The following ARHGAP15 variants were observed in gnomAD, a reference collection of about 807,000 sequenced individuals.
ARHGAP15 encodes the protein Rho GTPase activating protein 15.
ARHGAP15 carries 51 observed loss-of-function variants against 63.7 expected under a neutral mutation model. The observed-to-expected ratio is 0.80, with a 90% CI of 0.64 to 1.01. The LOEUF (loss-of-function observed/expected upper bound fraction) is 1.01, where lower values mean the gene tolerates loss of function less well. Among genes scored for constraint, ARHGAP15 ranks in the 50% least tolerant of loss-of-function variants. The probability of loss-of-function intolerance (pLI) is 0.00; values close to 1 mark genes in which losing one functional copy is unlikely to be tolerated. For missense variants in ARHGAP15, 560 were observed against 564.6 expected (o/e 0.99, Z 0.08); for synonymous variants, 191 against 193.8 (o/e 0.99, Z 0.12).
intron 6 of ARHGAP15, among the ~76,000 whole-genome samples, chr2:143,296,584 ATC>A (rs764817029): frequency 4.6e-5 from 7 of 151,908 alleles, no homozygotes; most frequent in Non-Finnish European, 8.8e-5. Flanking sequence ...CCCAATCTAG[ATC>A]TCAGAACGTT....
intron 6 of ARHGAP15, chr2:143,435,192 G>A: frequency 1.1e-6 from 1 of 871,946 alleles, no homozygotes; most frequent in Non-Finnish European, 1.4e-6. Context: ...CAAATATAGA[G>A]ATACTATTAG....
At chr2:143,405,346 T>A (rs1688154961) in intron 6 of ARHGAP15, among the ~76,000 whole-genome samples, 1 of 151,868 alleles carries the variant, frequency 6.6e-6, no homozygotes, top group Non-Finnish European at 1.5e-5. Flanking sequence ...TATCATTTTG[T>A]GTTTTTTATT....
chr2:143,654,385 G>T (rs914322852), intron 12 of ARHGAP15, among the ~76,000 whole-genome samples: 3 of 152,090 alleles, frequency 2.0e-5, no homozygotes, highest in African/African-American at 7.2e-5. Flanking sequence ...AAAAGGAGTT[G>T]AGAAAAGCAT....
At chr2:143,493,710 C>A (rs567425001) in intron 9 of ARHGAP15, among the ~76,000 whole-genome samples, 1 of 152,202 alleles carries the variant, frequency 6.6e-6, no homozygotes, top group East Asian at 1.9e-4. Context: ...ACTGGTTGCT[C>A]TCCAGCTGAT....
chr2:143,469,082 A>G (rs1691390763), intron 8 of ARHGAP15, among the ~76,000 whole-genome samples: 1 of 152,188 alleles, frequency 6.6e-6, no homozygotes, highest in Non-Finnish European at 1.5e-5. Context: ...ATATTGTGTA[A>G]TAAGAGAAAG....
At chr2:143,309,198 A>G (rs4662321) in intron 6 of ARHGAP15, among the ~76,000 whole-genome samples, 19,648 of 152,006 alleles carry the variant, frequency 0.13, 1,630 homozygotes, top group Non-Finnish European at 0.17. Context: ...CTATACCTCT[A>G]TTTTTAAAAT....
chr2:143,406,138 A>T (rs1688190162), intron 6 of ARHGAP15, among the ~76,000 whole-genome samples: 1 of 151,870 alleles, frequency 6.6e-6, no homozygotes, highest in South Asian at 2.1e-4. Flanking sequence ...TCTCATATCT[A>T]TTGGCTTTCA....
At chr2:143,349,139 G>A (rs1203272495) in intron 6 of ARHGAP15, among the ~76,000 whole-genome samples, 1 of 152,162 alleles carries the variant, frequency 6.6e-6, no homozygotes, top group African/African-American at 2.4e-5. Flanking sequence ...AAGTTGTTCA[G>A]AAGAAACTTG....
chr2:143,363,946 T>A (rs551206810), intron 6 of ARHGAP15, among the ~76,000 whole-genome samples: 20 of 152,330 alleles, frequency 1.3e-4, no homozygotes, highest in African/African-American at 4.3e-4. Flanking sequence ...ATTTGAGGAT[T>A]ACTACTAATA....
At chr2:143,368,695 A>T (rs1320234491) in intron 6 of ARHGAP15, among the ~76,000 whole-genome samples, 1 of 152,110 alleles carries the variant, frequency 6.6e-6, no homozygotes, top group Non-Finnish European at 1.5e-5. Flanking sequence ...TAAAAGGTTC[A>T]GTCAAGAGAA....
At chr2:143,436,080 C>T (rs1480322825) in intron 7 of ARHGAP15, among the ~76,000 whole-genome samples, 1 of 151,848 alleles carries the variant, frequency 6.6e-6, no homozygotes, top group Non-Finnish European at 1.5e-5. Flanking sequence ...GTTATAATAC[C>T]AATAAATAAA....
intron 9 of ARHGAP15, among the ~76,000 whole-genome samples, chr2:143,494,230 TG>T (rs966563664): frequency 3.3e-5 from 5 of 152,212 alleles, no homozygotes; most frequent in Admixed American, 1.3e-4. Flanking sequence ...TCTGAATTGA[TG>T]GTTTCATTCA....
At chr2:143,355,933 T>C (rs1263996845) in intron 6 of ARHGAP15, among the ~76,000 whole-genome samples, 1 of 152,128 alleles carries the variant, frequency 6.6e-6, no homozygotes, top group African/African-American at 2.4e-5. Context: ...TTTGTCACTA[T>C]TTAAAATGAA....
At chr2:143,751,837 G>A (rs1175616293) in intron 13 of ARHGAP15, among the ~76,000 whole-genome samples, 1 of 152,310 alleles carries the variant, frequency 6.6e-6, no homozygotes. Flanking sequence ...TCCCCCTGGT[G>A]TAACAGCAAC....
At position 143,228,637 on chromosome 2, in the gene ARHGAP15, A is replaced by G; in HGVS notation, c.353A>G (p.Lys118Arg). ...VLSSRRIEFY[K>R]ESKQQALSNM... ...TCTAGTCGAAGAATTGAATTTTACAAAGAATCCAAGCAACAGGCTCTGTCC... is the reference window on the plus strand; with the variant it reads ...TCTAGTCGAAGAATTGAATTTTACAGAGAATCCAAGCAACAGGCTCTGTCC... The change falls in exon 5 of 14, where the codon AAA (lysine) becomes AGA (arginine). Residue 118 changes from lysine to arginine, a missense_variant. Coordinates refer to ENST00000295095, the MANE Select transcript of ARHGAP15 (RefSeq NM_018460.4). The G allele has an allele frequency of 1.2e-6, 2 of 1,608,094 alleles. No individual in the cohort carries two copies. Among genetic ancestry groups the G allele is most frequent in the Non-Finnish European group, 1.7e-6 (2 of 1,177,294 alleles).
At chr2:143,569,099 A>G (rs1574645968) in intron 11 of ARHGAP15, among the ~76,000 whole-genome samples, 1 of 152,220 alleles carries the variant, frequency 6.6e-6, no homozygotes, top group African/African-American at 2.4e-5. Flanking sequence ...CCAGCATGGC[A>G]CATGTATACT....
At chr2:143,669,845 T>C (rs936343732) in intron 12 of ARHGAP15, among the ~76,000 whole-genome samples, 13 of 152,074 alleles carry the variant, frequency 8.5e-5, no homozygotes, top group African/African-American at 2.4e-4. Context: ...AGGGCTCCAG[T>C]ATGGAGGGAG....
intron 12 of ARHGAP15, among the ~76,000 whole-genome samples, chr2:143,702,117 T>TA (rs1457987983): frequency 6.6e-6 from 1 of 152,196 alleles, no homozygotes; most frequent in African/African-American, 2.4e-5. Context: ...TAGTCTTTTT[T>TA]ATATCTTATT....
chr2:143,374,947 AAAAT>A (rs1450799406), intron 6 of ARHGAP15, among the ~76,000 whole-genome samples: 4 of 152,222 alleles, frequency 2.6e-5, no homozygotes, highest in Non-Finnish European at 5.9e-5. Context: ...TATAAAAGGG[AAAAT>A]AAATGAATAT....
Sources: allele counts gnomAD v4.1 joint callset (sites outside exome capture counted in the v4.1 genomes callset), GRCh38; gene constraint gnomAD v4.1.1; transcripts MANE v1.5; gene names NCBI Gene and HGNC (gene_info 2026-07-23, HGNC 2026-07-21).